DRC11: variants seen among roughly 807,000 people sequenced by gnomAD.
DRC11 encodes IQ and AAA domain-containing protein 1.
the DRC11 span, among the ~76,000 whole-genome samples, chr2:236,490,458 C>A: frequency 1.3e-5 from 2 of 152,190 alleles, no homozygotes; most frequent in African/African-American, 2.4e-5. This position sits in a 1 kb window ranked among gnomAD's most constrained non-coding sequence, Gnocchi z 5.5. Flanking sequence ...AGTAAGATTT[C>A]ACCGCTTCAA....
the DRC11 span, among the ~76,000 whole-genome samples, chr2:236,360,354 G>T: frequency 7.2e-5 from 11 of 152,290 alleles, no homozygotes; most frequent in African/African-American, 2.6e-4. The surrounding 1 kb of genome is among the most constrained non-coding windows in gnomAD (Gnocchi z 5.8). Context: ...TCATAGAGTT[G>T]TTGTAAGGAC....
chr2:236,450,774 G>A, the DRC11 span, among the ~76,000 whole-genome samples: 35,028 of 151,850 alleles, frequency 0.23, 4,121 homozygotes, highest in Middle Eastern at 0.3. Context: ...CACTTTGTCT[G>A]ATGTATGTTT....
the DRC11 span, among the ~76,000 whole-genome samples, chr2:236,405,420 T>C: frequency 1.3e-5 from 2 of 151,786 alleles, no homozygotes; most frequent in Non-Finnish European, 2.9e-5. The surrounding 1 kb of genome is among the most constrained non-coding windows in gnomAD (Gnocchi z 4.6). Flanking sequence ...AACTGAGCCA[T>C]TTCCATGGCT....
chr2:236,491,118 AGT>A, the DRC11 span, among the ~76,000 whole-genome samples: 1,294 of 112,562 alleles, frequency 0.011, 102 homozygotes, highest in African/African-American at 0.044. Flanking sequence ...ATATATATAC[AGT>A]GTGTATATAT....
At chr2:236,456,944 G>C in the DRC11 span, among the ~76,000 whole-genome samples, 1 of 152,220 alleles carries the variant, frequency 6.6e-6, no homozygotes. This position sits in a 1 kb window ranked among gnomAD's most constrained non-coding sequence, Gnocchi z 5.4. Context: ...GAGATGAGGA[G>C]AGGCTGCTGC....
At chr2:236,407,046 C>T in the DRC11 span, among the ~76,000 whole-genome samples, 1 of 152,058 alleles carries the variant, frequency 6.6e-6, no homozygotes, top group East Asian at 1.9e-4. Context: ...CGCCCAGCCA[C>T]ATCTCCACTA....
the DRC11 span, among the ~76,000 whole-genome samples, chr2:236,498,095 A>T: frequency 2.3e-4 from 35 of 152,296 alleles, no homozygotes; most frequent in African/African-American, 7.9e-4. Context: ...AAATGAATGA[A>T]TGAAGTACAG....
chr2:236,338,096 CCTCAA>C, the DRC11 span: 2 of 1,079,492 alleles, frequency 1.9e-6, no homozygotes, highest in South Asian at 1.6e-5. Flanking sequence ...TGCAGGCTCC[CCTCAA>C]CTCATCTGGC....
At chr2:236,393,364 G>A in the DRC11 span, among the ~76,000 whole-genome samples, 1 of 152,142 alleles carries the variant, frequency 6.6e-6, no homozygotes, top group African/African-American at 2.4e-5. The surrounding 1 kb of genome is among the most constrained non-coding windows in gnomAD (Gnocchi z 4.7). Context: ...AGGCCTCCAA[G>A]GCAGGGGGTG....
At chr2:236,414,590 T>C in the DRC11 span, among the ~76,000 whole-genome samples, 1 of 152,122 alleles carries the variant, frequency 6.6e-6, no homozygotes, top group Non-Finnish European at 1.5e-5. Context: ...CCTCCCAAAG[T>C]GCTGGGATTA....
At chr2:236,463,708 A>G in the DRC11 span, among the ~76,000 whole-genome samples, 1 of 152,234 alleles carries the variant, frequency 6.6e-6, no homozygotes, top group African/African-American at 2.4e-5. The surrounding 1 kb of genome is among the most constrained non-coding windows in gnomAD (Gnocchi z 5.0). Flanking sequence ...TGTATTAGAT[A>G]TCTATTGCTG....
the DRC11 span, among the ~76,000 whole-genome samples, chr2:236,480,609 G>A: frequency 6.6e-6 from 1 of 152,132 alleles, no homozygotes; most frequent in African/African-American, 2.4e-5. Context: ...AAATTTCTCT[G>A]ACAAATTTCA....
At chr2:236,467,648 T>C in the DRC11 span, among the ~76,000 whole-genome samples, 3 of 152,170 alleles carry the variant, frequency 2.0e-5, no homozygotes. Context: ...CCAGGAATAC[T>C]AGGGAGCTCT....
chr2:236,377,693 A>C, the DRC11 span, among the ~76,000 whole-genome samples: 2 of 152,252 alleles, frequency 1.3e-5, no homozygotes, highest in Non-Finnish European at 2.9e-5. This position sits in a 1 kb window ranked among gnomAD's most constrained non-coding sequence, Gnocchi z 4.9. Context: ...TGGAAGATAA[A>C]ACGTCTAAAG....
chr2:236,488,010 C>A, the DRC11 span: 6 of 1,582,714 alleles, frequency 3.8e-6, no homozygotes, highest in Non-Finnish European at 5.1e-6. Context: ...CTTCTGAATG[C>A]GGAGTGCAGC....
At chr2:236,465,877 G>C in the DRC11 span, among the ~76,000 whole-genome samples, 1 of 152,196 alleles carries the variant, frequency 6.6e-6, no homozygotes, top group Non-Finnish European at 1.5e-5. This position sits in a 1 kb window ranked among gnomAD's most constrained non-coding sequence, Gnocchi z 6.2. Context: ...CATTTACTCA[G>C]TGTATTTAAT....
chr2:236,382,851 A>G, the DRC11 span, among the ~76,000 whole-genome samples: 1 of 152,188 alleles, frequency 6.6e-6, no homozygotes, highest in Admixed American at 6.5e-5. Flanking sequence ...ATTTTCCACA[A>G]GAAAATAATG....
At chr2:236,500,063 T>C in the DRC11 span, among the ~76,000 whole-genome samples, 16,375 of 151,788 alleles carry the variant, frequency 0.11, 2,893 homozygotes, top group African/African-American at 0.38. The surrounding 1 kb of genome is among the most constrained non-coding windows in gnomAD (Gnocchi z 6.3). Context: ...ATCTTGATGT[T>C]TGCAAGACTT....
chr2:236,489,124 G>C, the DRC11 span, among the ~76,000 whole-genome samples: 2 of 148,794 alleles, frequency 1.3e-5, no homozygotes, highest in South Asian at 4.4e-4. Context: ...GTGGGCTCTG[G>C]GTGCATGCTG....
Sources: allele counts gnomAD v4.1 joint callset (sites outside exome capture counted in the v4.1 genomes callset), GRCh38; gene constraint gnomAD v4.1.1; non-coding constraint Gnocchi (gnomAD v3.1); transcripts MANE v1.5; gene names NCBI Gene and HGNC (gene_info 2026-07-23, HGNC 2026-07-21).